Variants in SHISA9 observed in about 807,000 individuals in gnomAD.
SHISA9 encodes shisa family member 9, also known as protein shisa-9.
A neutral mutation model predicts 38.0 loss-of-function variants in SHISA9; 13 were observed. That is an observed-to-expected ratio of 0.34 (90% CI 0.22 to 0.54). The LOEUF (loss-of-function observed/expected upper bound fraction) is 0.54, where lower values mean the gene tolerates loss of function less well. Ranked by LOEUF, SHISA9 falls within the 20% of genes least tolerant of loss-of-function variation. The pLI, the probability that SHISA9 is intolerant of heterozygous loss-of-function variation, is 0.91. For synonymous variants in SHISA9, 275 were observed against 242.0 expected (o/e 1.14, Z -1.27); for missense variants, 538 against 575.8 (o/e 0.93, Z 0.67).
the SHISA9 span, among the ~76,000 whole-genome samples, chr16:13,310,850 A>G: frequency 6.6e-6 from 1 of 151,926 alleles, no homozygotes; most frequent in Non-Finnish European, 1.5e-5. Context: ...TTCACAGCTA[A>G]TTTTTGTATT....
At chr16:13,124,760 A>G (rs537013033) in intron 2 of SHISA9, among the ~76,000 whole-genome samples, 1 of 152,214 alleles carries the variant, frequency 6.6e-6, no homozygotes, top group South Asian at 2.1e-4. Flanking sequence ...GCACTGGCAT[A>G]AAAAAAAGAC....
At chr16:13,208,402 T>C (rs1421445547) in intron 3 of SHISA9, among the ~76,000 whole-genome samples, 3 of 151,944 alleles carry the variant, frequency 2.0e-5, no homozygotes, top group African/African-American at 4.8e-5. Flanking sequence ...CCCTCACTCA[T>C]GTTTAAAGAG....
intron 2 of SHISA9, among the ~76,000 whole-genome samples, chr16:13,045,925 C>G (rs567030317): frequency 6.6e-6 from 1 of 152,310 alleles, no homozygotes; most frequent in African/African-American, 2.4e-5. Flanking sequence ...TTTGACGAGT[C>G]TGCAGAGCAT....
the SHISA9 span, among the ~76,000 whole-genome samples, chr16:13,344,572 A>G: frequency 6.6e-6 from 1 of 152,188 alleles, no homozygotes; most frequent in Non-Finnish European, 1.5e-5. Flanking sequence ...AAATAGAATA[A>G]CATGGTAATA....
intron 2 of SHISA9, among the ~76,000 whole-genome samples, chr16:13,031,985 C>T (rs552082246): frequency 2.1e-4 from 32 of 152,150 alleles, no homozygotes; most frequent in Non-Finnish European, 4.0e-4. Flanking sequence ...GGTGTTGCAA[C>T]TGTCTATCCA....
intron 2 of SHISA9, among the ~76,000 whole-genome samples, chr16:13,114,252 G>T (rs2074007592): frequency 6.6e-6 from 1 of 151,836 alleles, no homozygotes; most frequent in South Asian, 2.1e-4. Context: ...AGATCACAAG[G>T]TCAGGAGATC....
the SHISA9 span, among the ~76,000 whole-genome samples, chr16:13,454,085 A>C: frequency 3.6e-4 from 55 of 152,318 alleles, 1 homozygote; most frequent in Admixed American, 3.4e-3. Flanking sequence ...TCCTTTCTAG[A>C]GGACAGAAAT....
At chr16:13,224,720 A>G (rs1270379198) in intron 4 of SHISA9, among the ~76,000 whole-genome samples, 1 of 152,190 alleles carries the variant, frequency 6.6e-6, no homozygotes, top group Admixed American at 6.5e-5. Context: ...TGAGCTATGA[A>G]CATATTAAAA....
At position 13,193,963 on chromosome 16, in the gene SHISA9, A is replaced by G. The variant is rs141418379; in HGVS notation, c.692-9431A>G. On this transcript the variant is annotated intron_variant, in intron 2 of 4. Transcript: ENST00000558583. ...GCTAGAGTCTCAGAGGAAGCAGGAC[A>G]AGAGACTCCTGCCTCAAGCATTTCC... 2.1e-3 allele frequency among the ~76,000 whole-genome samples: 319 copies of G among 152,256 alleles called. 1 individual carries two copies. Among genetic ancestry groups the G allele is most frequent in the African/African-American group, 7.1e-3 (296 of 41,554 alleles).
chr16:12,908,124 C>T (rs149381622), intron 1 of SHISA9, among the ~76,000 whole-genome samples: 1,407 of 28,758 alleles, frequency 0.049, 23 homozygotes, highest in African/African-American at 0.086. Context: ...AGCTCAGGAC[C>T]TGTCACAACT....
chr16:13,255,423 G>A, the SHISA9 span, among the ~76,000 whole-genome samples: 1 of 152,130 alleles, frequency 6.6e-6, no homozygotes, highest in Non-Finnish European at 1.5e-5. Flanking sequence ...TTATGTGTGT[G>A]TCTTTCTCTT....
At chr16:13,516,285 T>C in the SHISA9 span, among the ~76,000 whole-genome samples, 1 of 152,146 alleles carries the variant, frequency 6.6e-6, no homozygotes, top group Non-Finnish European at 1.5e-5. Flanking sequence ...CATCAACAAA[T>C]ACGAGGTGAG....
At chr16:12,913,967 C>T (rs2071220177) in intron 1 of SHISA9, among the ~76,000 whole-genome samples, 2 of 151,978 alleles carry the variant, frequency 1.3e-5, no homozygotes, top group African/African-American at 4.8e-5. Context: ...GCTGCTGTGT[C>T]CCAGGCTCTC....
In SHISA9 at chr16:12,965,163, G is replaced by T. The variant is rs1266680796; in HGVS notation, c.691+48348G>T. 2.0e-5 allele frequency among the ~76,000 whole-genome samples: 3 copies of T among 152,084 alleles called. No individual in the cohort carries two copies. The East Asian group carries it at 5.8e-4, about 29-fold the overall frequency. ...GCCTCCAGGAAATTTCAGAGATTGT[G>T]TGTTACATCATATTACATCAATATT... On this transcript the variant is annotated intron_variant, in intron 2 of 4. Coordinates refer to ENST00000558583, the MANE Select transcript of SHISA9 (RefSeq NM_001145204.3).
chr16:13,553,768 C>T, the SHISA9 span, among the ~76,000 whole-genome samples: 1 of 152,176 alleles, frequency 6.6e-6, no homozygotes, highest in Non-Finnish European at 1.5e-5. Context: ...CTGTGAATCA[C>T]CACCAAACTG....
At chr16:13,500,170 A>G in the SHISA9 span, among the ~76,000 whole-genome samples, 1 of 152,216 alleles carries the variant, frequency 6.6e-6, no homozygotes, top group East Asian at 1.9e-4. Context: ...GTGAGTTCTA[A>G]CAAGAGCTGA....
chr16:13,429,346 C>T, the SHISA9 span, among the ~76,000 whole-genome samples: 11 of 151,980 alleles, frequency 7.2e-5, no homozygotes, highest in Non-Finnish European at 1.0e-4. Flanking sequence ...GTTTTTTCTG[C>T]GGGCTGTAAG....
At chr16:13,264,369 C>A in the SHISA9 span, among the ~76,000 whole-genome samples, 1 of 152,012 alleles carries the variant, frequency 6.6e-6, no homozygotes, top group Admixed American at 6.6e-5. Flanking sequence ...GACAGCATTT[C>A]ACCATGTTGG....
At chr16:13,297,667 G>A in the SHISA9 span, among the ~76,000 whole-genome samples, 139 of 152,330 alleles carry the variant, frequency 9.1e-4, no homozygotes, top group Middle Eastern at 3.4e-3. Flanking sequence ...GGTTGTTGGC[G>A]TTGAGCTTCT....
Sources: allele counts gnomAD v4.1 joint callset (sites outside exome capture counted in the v4.1 genomes callset), GRCh38; gene constraint gnomAD v4.1.1; transcripts MANE v1.5; gene names NCBI Gene and HGNC (gene_info 2026-07-23, HGNC 2026-07-21).